HPS3: variants seen among roughly 807,000 people sequenced by gnomAD.
HPS3 encodes HPS3 biogenesis of lysosomal organelles complex 2 subunit 1.
In HPS3, 79 loss-of-function variants were observed where a neutral mutation model predicts 110.9. The ratio of observed to expected loss-of-function variants is 0.71; its 90% CI spans 0.59 to 0.86. The LOEUF is 0.86. Among genes scored for constraint, HPS3 ranks in the 40% least tolerant of loss-of-function variants. HPS3 has a pLI of 0.00. For synonymous variants in HPS3, 428 were observed against 451.0 expected, an observed-to-expected ratio of 0.95 and a Z score of 0.65; for missense variants, 1,197 against 1,206.2, an observed-to-expected ratio of 0.99 and a Z score of 0.11.
In HPS3 at chr3:149,129,851, C is replaced by A. The variant is rs1721640874; in HGVS notation, c.128C>A (p.Ala43Glu). The A allele has an allele frequency of 6.2e-7, 1 of 1,602,032 alleles. No homozygotes were observed. Residue 43 changes from alanine (A) to glutamate (E), a missense_variant, in exon 1 of 17, where the codon GCG becomes GAG. Transcript: ENST00000296051. ...LFVAAGCKVE[A>E]FAVAGQELCQ... ...GTGGCGGCGGGCTGCAAGGTGGAGG[C>A]GTTCGCGGTGGCCGGCCAGGAGCTG...
intron 4 of HPS3, among the ~76,000 whole-genome samples, chr3:149,143,627 G>A (rs1056372292): frequency 5.3e-5 from 8 of 152,272 alleles, no homozygotes; most frequent in East Asian, 3.9e-4. Context: ...GAGCTGGGCC[G>A]TAATGGATGA....
In HPS3 at chr3:149,172,318, T is replaced by TCTCACACACACACA. The variant is rs72453449; in HGVS notation, c.*97_*98insTCACACACACACAC. The TCTCACACACACACA allele has an allele frequency of 3.0e-4, 170 of 571,918 alleles. 2 individuals carry two copies. The highest frequency in any genetic ancestry group is 9.1e-4 in the South Asian group (53 of 58,198). The allele number at this position is 571,918 out of a possible 1,614,324, so 35.4% of individuals were successfully genotyped here. ...GTAGAGGAGTTTTTTATTTTATATA[T>TCTCACACACACACA]CACACACACACACACACACACACAC... On this transcript the variant is annotated 3_prime_UTR_variant, in exon 17 of 17. Transcript: ENST00000296051.
At chr3:149,145,656 C>G in intron 5 of HPS3, 110 bp downstream of exon 5, 1 of 837,316 alleles carries the variant, frequency 1.2e-6, no homozygotes, top group Non-Finnish European at 2.1e-6. Context: ...ACTATAAATG[C>G]ATGAGTTACA....
chr3:149,158,904 A>G lies in HPS3; in HGVS notation c.1872+58A>G, dbSNP rs533042928. On this transcript the variant is annotated intron_variant, in intron 10 of 16. Transcript: ENST00000296051. ...TTTTAACATTTCATTTTAATGGTTT[A>G]TTTTATGTAGTACTGTTTAGAAGTC... 4 of 1,231,948 alleles carry G rather than the reference A, an allele frequency of 3.2e-6. No homozygotes were observed. The African/African-American group carries it at 4.5e-5, about 14-fold the overall frequency. The allele number at this position is 1,231,948 out of a possible 1,614,324, so 76.3% of individuals were successfully genotyped here. A position where few individuals can be genotyped will look rare whatever the true frequency, so the allele number is the denominator to read the frequency against.
chr3:149,139,435 C>T (rs1722300045), intron 1 of HPS3, among the ~76,000 whole-genome samples: 1 of 152,154 alleles, frequency 6.6e-6, no homozygotes, highest in Non-Finnish European at 1.5e-5. Context: ...CATTTTGCAT[C>T]TCTTTACCAC....
chr3:149,149,255 G>A (rs2689226), intron 5 of HPS3, among the ~76,000 whole-genome samples: 32,671 of 151,172 alleles, frequency 0.22, 3,724 homozygotes, highest in South Asian at 0.3. Flanking sequence ...GAGCCACCAC[G>A]CCTGGCCGAA....
At chr3:149,167,281 TA>T in intron 15 of HPS3, 41 bp downstream of exon 15, 1 of 1,476,884 alleles carries the variant, frequency 6.8e-7, no homozygotes, top group Non-Finnish European at 9.3e-7. Context: ...TGATCAGTGA[TA>T]ATCAGATCTG....
chr3:149,153,776 T>A (rs1233010663), intron 7 of HPS3, 128 bp downstream of exon 7: 2 of 941,466 alleles, frequency 2.1e-6, no homozygotes, highest in Non-Finnish European at 3.4e-6. Flanking sequence ...GGTGGTCTTT[T>A]TCCAGAGAAA....
chr3:149,136,450 G>A (rs1219391625), intron 1 of HPS3, among the ~76,000 whole-genome samples: 1 of 152,172 alleles, frequency 6.6e-6, no homozygotes, highest in Non-Finnish European at 1.5e-5. Flanking sequence ...AGCCTCCACA[G>A]ACTCCTGTAG....
chr3:149,145,533 C>A lies in HPS3; in HGVS notation c.1150C>A (p.His384Asn). The A allele has an allele frequency of 6.2e-7, 1 of 1,613,760 alleles. No individual in the cohort carries two copies. Among genetic ancestry groups the A allele is most frequent in the Non-Finnish European group, 8.5e-7 (1 of 1,179,672 alleles). Residue 384 changes from histidine to asparagine, a missense_variant, in exon 5 of 17, where the codon CAC becomes AAC. By Grantham distance (68) the His-to-Asn change is moderately conservative. Transcript: ENST00000296051. ...GGCAGTACTCACGCCACAATTTTTGCACGTCATTACAAGGTACTGTTAGAG... is the reference window on the plus strand; with the variant it reads ...GGCAGTACTCACGCCACAATTTTTGAACGTCATTACAAGGTACTGTTAGAG... ...QQAVLTPQFL[H>N]VITSNNLQCF...
chr3:149,145,859 T>A (rs1180628867), intron 5 of HPS3, among the ~76,000 whole-genome samples: 1 of 152,206 alleles, frequency 6.6e-6, no homozygotes, highest in Admixed American at 6.5e-5. Context: ...AGAGCGTCTC[T>A]TTAAGTTTCT....
In HPS3 at chr3:149,173,350, T is replaced by G. The variant is rs1348120782; in HGVS notation, c.*1128T>G. 1 of 163,940 alleles carries G rather than the reference T, an allele frequency of 6.1e-6. No individual in the cohort carries two copies. The highest frequency in any genetic ancestry group is 6.3e-5 in the Admixed American group (1 of 15,890). 10.2% of individuals were successfully genotyped at this position (163,940 alleles called of 1,614,324 possible). On this transcript the variant is annotated 3_prime_UTR_variant, in exon 17 of 17. Coordinates refer to ENST00000296051, the MANE Select transcript of HPS3 (RefSeq NM_032383.5). ...GAAGGATCAATGGGAAGGCAATGAT[T>G]GAAAACATTTCAATGAACCTTAATA...
intron 1 of HPS3, among the ~76,000 whole-genome samples, chr3:149,137,213 A>G (rs372309281): frequency 8.5e-5 from 13 of 152,234 alleles, no homozygotes; most frequent in South Asian, 4.1e-4. Context: ...GGCAAAAAAC[A>G]TAAGAAAAGA....
In HPS3 at chr3:149,167,976, A is replaced by G. The variant is rs747140682; in HGVS notation, c.2880A>G (p.Ser960=). 2.0e-6 allele frequency: 3 copies of G among 1,536,344 alleles called. 1 individual carries two copies. The South Asian group carries it at 3.4e-5, about 17-fold the overall frequency. The change falls in exon 16 of 17, where the codon TCA becomes TCG. Residue 960 remains serine (S), a synonymous_variant. Coordinates refer to ENST00000296051, the MANE Select transcript of HPS3 (RefSeq NM_032383.5). ...AGAAGTATCAACTCTACCTGTCATCATTAAAAGGTAAAATGATTTTTTTTT... is the reference window on the plus strand; with the variant it reads ...AGAAGTATCAACTCTACCTGTCATCGTTAAAAGGTAAAATGATTTTTTTTT... ...GGEKYQLYLS[S]LKETLSIVAV... is the part of the protein sequence containing the mutation.
Position 149,160,371 on chromosome 3 carries a change from T to C in HPS3, c.2106+92T>C, listed in dbSNP as rs1054217478. ...TGTCTTCTGGCTTCTTTCTAGCTTA[T>C]ATATTCTTGGTTGTAATGGAAAACA... is the stretch of plus-strand genomic sequence containing the variant. On this transcript the variant is annotated intron_variant, in intron 11 of 16. Coordinates refer to ENST00000296051, the MANE Select transcript of HPS3 (RefSeq NM_032383.5). 3 of 841,866 alleles carry C rather than the reference T, an allele frequency of 3.6e-6. No individual in the cohort carries two copies. In the Admixed American group the frequency reaches 5.9e-5, roughly 17 times the overall value. 52.1% of individuals were successfully genotyped at this position (841,866 alleles called of 1,614,324 possible). A position where few individuals can be genotyped will look rare whatever the true frequency, so the allele number is the denominator to read the frequency against.
chr3:149,149,803 G>A (rs2689228), intron 5 of HPS3, among the ~76,000 whole-genome samples: 32,227 of 152,070 alleles, frequency 0.21, 3,653 homozygotes, highest in South Asian at 0.3. Flanking sequence ...TTAATTAACT[G>A]TTTTTAATGT....
At chr3:149,130,113 A>G in intron 1 of HPS3, 173 bp downstream of exon 1, 4 of 639,076 alleles carry the variant, frequency 6.3e-6, no homozygotes, top group East Asian at 2.8e-5. Flanking sequence ...GCATTGAGCT[A>G]TGCGGTTGTC....
chr3:149,132,383 C>CT (rs1721832937), intron 1 of HPS3, among the ~76,000 whole-genome samples: 1 of 152,152 alleles, frequency 6.6e-6, no homozygotes, highest in Non-Finnish European at 1.5e-5. Context: ...TCATAGGGCC[C>CT]TTTTAAAAAT....
chr3:149,146,718 G>T (rs1722796044), intron 5 of HPS3, among the ~76,000 whole-genome samples: 1 of 152,182 alleles, frequency 6.6e-6, no homozygotes, highest in African/African-American at 2.4e-5. Context: ...GCTGCTGATG[G>T]CAGTGTGTTT....
Sources: gnomAD v4.1 joint callset for allele counts (sites outside exome capture counted in the v4.1 genomes callset) on GRCh38, gnomAD v4.1.1 for gene constraint, MANE v1.5 for transcripts, NCBI Gene and HGNC (gene_info 2026-07-23, HGNC 2026-07-21) for gene names.